PTPRD: variants seen among roughly 807,000 people sequenced by gnomAD.
PTPRD encodes the protein receptor-type tyrosine-protein phosphatase delta.
In PTPRD, 34 loss-of-function variants were observed where a neutral mutation model predicts 214.5. The ratio of observed to expected loss-of-function variants is 0.16; its 90% CI spans 0.12 to 0.21. PTPRD has a LOEUF of 0.21. Among genes scored for constraint, PTPRD ranks in the 10% least tolerant of loss-of-function variants. The probability of loss-of-function intolerance (pLI) is 1.00; values close to 1 mark genes in which losing one functional copy is unlikely to be tolerated. For missense variants in PTPRD, 2,545 were observed against 2,398.7 expected (o/e 1.06, Z -1.27); for synonymous variants, 1,128 against 845.7 (o/e 1.33, Z -5.79).
intron 10 of PTPRD, among the ~76,000 whole-genome samples, chr9:9,082,932 C>T (rs995968878): frequency 1.3e-5 from 2 of 152,154 alleles, no homozygotes; most frequent in East Asian, 1.9e-4. Flanking sequence ...ACATTCCATG[C>T]TCATGGATAG....
chr9:9,073,920 G>A (rs555598431), intron 10 of PTPRD, among the ~76,000 whole-genome samples: 2 of 151,950 alleles, frequency 1.3e-5, no homozygotes, highest in Non-Finnish European at 2.9e-5. Flanking sequence ...TCTAGTCTGT[G>A]TAATATTGGT....
At chr9:8,320,657 A>AAAAAAACGGTTAAGAGCCATTG (rs1554667346) in intron 44 of PTPRD, among the ~76,000 whole-genome samples, 3 of 151,832 alleles carry the variant, frequency 2.0e-5, no homozygotes, top group African/African-American at 7.3e-5. Context: ...CTAATCTTAA[A>AAAAAAACGGTTAAGAGCCATTG]AAAAAATGGT....
chr9:9,591,883 A>G (rs142318535), intron 7 of PTPRD, among the ~76,000 whole-genome samples: 2 of 152,134 alleles, frequency 1.3e-5, no homozygotes, highest in Non-Finnish European at 2.9e-5. Context: ...TAGGCACTCT[A>G]CTGTGTAGTG....
intron 39 of PTPRD, among the ~76,000 whole-genome samples, chr9:8,344,948 C>G (rs1228371160): frequency 4.2e-5 from 2 of 47,240 alleles, no homozygotes; most frequent in African/African-American, 7.3e-5. Flanking sequence ...TTTCTAGGTA[C>G]AAACTCCATT....
At chr9:10,475,084 C>T (rs1028337415) in intron 2 of PTPRD, among the ~76,000 whole-genome samples, 4 of 151,980 alleles carry the variant, frequency 2.6e-5, no homozygotes, top group Non-Finnish European at 4.4e-5. Context: ...ACTAGAGAAG[C>T]AAGAGCAAAC....
intron 11 of PTPRD, among the ~76,000 whole-genome samples, chr9:8,964,138 C>G (rs2099173818): frequency 1.6e-5 from 2 of 124,008 alleles, no homozygotes; most frequent in South Asian, 5.4e-4. Context: ...GGTACTAGCT[C>G]TTCTTTGTAC....
At chr9:8,844,992 T>C (rs555481958) in intron 11 of PTPRD, among the ~76,000 whole-genome samples, 3 of 152,250 alleles carry the variant, frequency 2.0e-5, no homozygotes, top group Admixed American at 1.3e-4. Context: ...TCTCTAAAAT[T>C]TGTCAGTGCA....
intron 7 of PTPRD, among the ~76,000 whole-genome samples, chr9:9,593,456 G>T (rs995075365): frequency 3.9e-5 from 6 of 151,954 alleles, no homozygotes; most frequent in Non-Finnish European, 8.8e-5. Context: ...TTTTGTTGTT[G>T]TTGCTCGGAT....
intron 11 of PTPRD, among the ~76,000 whole-genome samples, chr9:8,994,713 G>A (rs2099390063): frequency 6.6e-6 from 1 of 152,024 alleles, no homozygotes; most frequent in African/African-American, 2.4e-5. Flanking sequence ...GGAAGGCAAG[G>A]GAAAAAGCAT....
intron 3 of PTPRD, among the ~76,000 whole-genome samples, chr9:10,107,644 C>G (rs2098647855): frequency 6.6e-6 from 1 of 152,008 alleles, no homozygotes; most frequent in East Asian, 1.9e-4. Flanking sequence ...AACAAGTGTT[C>G]AATAAATATA....
intron 8 of PTPRD, among the ~76,000 whole-genome samples, chr9:9,447,659 T>G (rs1401680548): frequency 6.6e-6 from 1 of 152,056 alleles, no homozygotes; most frequent in Non-Finnish European, 1.5e-5. Flanking sequence ...CATGTACCCC[T>G]GAAATTAAAA....
chr9:10,040,591 A>T (rs1359095073), intron 3 of PTPRD, among the ~76,000 whole-genome samples: 3 of 152,022 alleles, frequency 2.0e-5, no homozygotes, highest in Non-Finnish European at 4.4e-5. Context: ...TAGCAACGAG[A>T]GGCTATATTT....
At chr9:8,700,831 G>A (rs2098062159) in intron 12 of PTPRD, 1 of 152,046 alleles carries the variant, frequency 6.6e-6, no homozygotes, top group Admixed American at 6.5e-5. Context: ...AAATACCATT[G>A]CTCACCAACA....
intron 4 of PTPRD, among the ~76,000 whole-genome samples, chr9:9,985,927 G>C (rs1486686995): frequency 2.0e-5 from 3 of 152,036 alleles, no homozygotes; most frequent in South Asian, 2.1e-4. Context: ...TGTATAGGTA[G>C]AGTTGAAAAC....
At chr9:9,964,547 G>T (rs747649235) in intron 4 of PTPRD, among the ~76,000 whole-genome samples, 1 of 152,178 alleles carries the variant, frequency 6.6e-6, no homozygotes, top group Non-Finnish European at 1.5e-5. Flanking sequence ...AGTGGAAACG[G>T]GAGGAAATCC....
chr9:9,673,290 C>T (rs145907937), intron 7 of PTPRD, among the ~76,000 whole-genome samples: 1 of 151,898 alleles, frequency 6.6e-6, no homozygotes, highest in Non-Finnish European at 1.5e-5. Context: ...AGAAAAAGAC[C>T]ATGTCTGTTT....
At chr9:8,330,798 T>C (rs987213811) in intron 44 of PTPRD, among the ~76,000 whole-genome samples, 9 of 151,446 alleles carry the variant, frequency 5.9e-5, no homozygotes, top group Admixed American at 3.9e-4. Flanking sequence ...GAACTATAGT[T>C]TTCTTTGATG....
In PTPRD at chr9:8,507,453, T is replaced by C. The variant is rs1299120367; in HGVS notation, c.1544-19A>G. 28 of 1,613,348 alleles carry C rather than the reference T, an allele frequency of 1.7e-5. No individual in the cohort carries two copies. Among genetic ancestry groups the C allele is most frequent in the Non-Finnish European group, 2.1e-5 (25 of 1,179,536 alleles). On this transcript the variant is annotated intron_variant, in intron 21 of 45. Transcript: ENST00000381196. ...CCTGGTACTAAAAACAGGGAGGCAA[T>C]GGATTGAACTCACAATCACCAGGAG...
intron 11 of PTPRD, among the ~76,000 whole-genome samples, chr9:8,804,630 C>A (rs1033843553): frequency 2.6e-4 from 39 of 151,778 alleles, no homozygotes; most frequent in Admixed American, 2.4e-3. Context: ...CCGCCCCACC[C>A]CTTCCAAAAA....
Sources: allele counts gnomAD v4.1 joint callset (sites outside exome capture counted in the v4.1 genomes callset), GRCh38; gene constraint gnomAD v4.1.1; transcripts MANE v1.5; gene names NCBI Gene and HGNC (gene_info 2026-07-23, HGNC 2026-07-21).